SPOCK3: variants seen among roughly 807,000 people sequenced by gnomAD.
The protein encoded by SPOCK3 is testican-3.
A neutral mutation model predicts 56.6 loss-of-function variants in SPOCK3; 30 were observed. The observed-to-expected ratio is 0.53, with a 90% CI of 0.40 to 0.72. The LOEUF (loss-of-function observed/expected upper bound fraction) is 0.72. SPOCK3 is among the 30% of genes least tolerant of loss of function. The pLI, the probability that SPOCK3 is intolerant of heterozygous loss-of-function variation, is 0.00. For synonymous variants in SPOCK3, 196 were observed against 183.3 expected (o/e 1.07, Z -0.56); for missense variants, 527 against 530.0 (o/e 0.99, Z 0.06).
intron 2 of SPOCK3, among the ~76,000 whole-genome samples, chr4:167,133,946 A>C (rs1370122168): frequency 6.6e-6 from 1 of 152,132 alleles, no homozygotes; most frequent in Admixed American, 6.5e-5. Flanking sequence ...ACTACTACAA[A>C]AATTAATATG....
intron 6 of SPOCK3, among the ~76,000 whole-genome samples, chr4:166,860,750 C>A (rs1253148025): frequency 7.7e-6 from 1 of 129,806 alleles, no homozygotes; most frequent in Non-Finnish European, 1.6e-5. Context: ...CCTCCCACTA[C>A]ATTCCTCACT....
At chr4:167,126,278 T>G (rs1008376815) in intron 2 of SPOCK3, among the ~76,000 whole-genome samples, 2 of 152,194 alleles carry the variant, frequency 1.3e-5, no homozygotes, top group African/African-American at 4.8e-5. Flanking sequence ...CCGGGCGCTG[T>G]GGCTCACACA....
At chr4:167,206,578 T>G (rs1397227832) in intron 2 of SPOCK3, among the ~76,000 whole-genome samples, 2 of 152,118 alleles carry the variant, frequency 1.3e-5, no homozygotes, top group African/African-American at 4.8e-5. Context: ...ATATGTTTGC[T>G]TTGGTAGCTA....
intron 6 of SPOCK3, among the ~76,000 whole-genome samples, chr4:166,846,233 A>T (rs1322723344): frequency 6.6e-6 from 1 of 152,134 alleles, no homozygotes; most frequent in Non-Finnish European, 1.5e-5. Context: ...TAAGAAGGAA[A>T]ATTAGAGAAA....
intron 7 of SPOCK3, among the ~76,000 whole-genome samples, chr4:166,770,958 A>T (rs1384512239): frequency 2.0e-5 from 3 of 151,342 alleles, no homozygotes; most frequent in African/African-American, 7.3e-5. Context: ...TTTCCTTTTT[A>T]TGTCTATCGA....
chr4:166,740,666 C>T (rs879456795), intron 9 of SPOCK3, among the ~76,000 whole-genome samples: 9 of 151,994 alleles, frequency 5.9e-5, no homozygotes, highest in South Asian at 4.2e-4. Flanking sequence ...GCTGTGATTA[C>T]AGGCACACAC....
At chr4:166,808,287 T>C (rs1345773449) in intron 6 of SPOCK3, among the ~76,000 whole-genome samples, 1 of 152,106 alleles carries the variant, frequency 6.6e-6, no homozygotes, top group East Asian at 1.9e-4. Context: ...CTCCTTGCTA[T>C]AGACTAAATT....
At chr4:166,868,094 T>A (rs1156893007) in intron 6 of SPOCK3, among the ~76,000 whole-genome samples, 1 of 151,904 alleles carries the variant, frequency 6.6e-6, no homozygotes, top group East Asian at 1.9e-4. Flanking sequence ...ACTATATAAT[T>A]TTGAGTTTTT....
At chr4:167,060,459 A>T (rs890158698) in intron 3 of SPOCK3, among the ~76,000 whole-genome samples, 2 of 152,030 alleles carry the variant, frequency 1.3e-5, no homozygotes, top group African/African-American at 4.8e-5. Context: ...CTCACTCCTC[A>T]GTGTGGTCTA....
chr4:166,890,034 G>C (rs1391165297), intron 5 of SPOCK3, among the ~76,000 whole-genome samples: 1 of 151,752 alleles, frequency 6.6e-6, no homozygotes, highest in East Asian at 1.9e-4. Flanking sequence ...ACTTCCCATA[G>C]GTCTTACATT....
chr4:167,121,356 C>T (rs887110076), intron 2 of SPOCK3, among the ~76,000 whole-genome samples: 2 of 151,700 alleles, frequency 1.3e-5, no homozygotes, highest in African/African-American at 4.8e-5. Flanking sequence ...CAGTTCTCAT[C>T]TCTCTTCGTG....
At position 166,941,657 on chromosome 4, in the gene SPOCK3, C is replaced by T. The variant is rs552758044; in HGVS notation, c.351-28914G>A. On this transcript the variant is annotated intron_variant, in intron 4 of 10. Coordinates refer to ENST00000357545, the MANE Select transcript of SPOCK3 (RefSeq NM_001040159.2). The stretch of plus-strand genomic sequence containing the variant: ...TTCCTTCTAATATACAGAAGACAAT[C>T]GTGTTGAAATGTCTGTGATTAGGTT... Among the ~76,000 whole-genome samples, 171 of 152,234 alleles carry T rather than the reference C, an allele frequency of 1.1e-3. 3 individuals are homozygous for T. The South Asian group carries it at 0.034, about 31-fold the overall frequency.
chr4:166,798,436 A>G (rs1401250268), intron 6 of SPOCK3, among the ~76,000 whole-genome samples: 2 of 152,192 alleles, frequency 1.3e-5, no homozygotes, highest in East Asian at 3.9e-4. Flanking sequence ...AGTGATTAAG[A>G]ACTATGAAGG....
chr4:166,775,376 C>G (rs147318521), intron 7 of SPOCK3, among the ~76,000 whole-genome samples: 1 of 152,004 alleles, frequency 6.6e-6, no homozygotes, highest in East Asian at 1.9e-4. Context: ...TGATCTGATC[C>G]GCTGAAATAA....
At chr4:166,897,747 G>A (rs1031458349) in intron 5 of SPOCK3, among the ~76,000 whole-genome samples, 10 of 152,146 alleles carry the variant, frequency 6.6e-5, no homozygotes, top group African/African-American at 1.7e-4. Context: ...TTTTGGCAAC[G>A]ATGATGAGAT....
chr4:167,073,243 C>T (rs7660430), intron 2 of SPOCK3, among the ~76,000 whole-genome samples: 1 of 151,340 alleles, frequency 6.6e-6, no homozygotes, highest in Non-Finnish European at 1.5e-5. Context: ...TTAATTATAT[C>T]ATCAAATATA....
intron 6 of SPOCK3, among the ~76,000 whole-genome samples, chr4:166,800,063 T>C (rs1051606387): frequency 1.3e-5 from 2 of 150,984 alleles, no homozygotes; most frequent in African/African-American, 4.9e-5. Flanking sequence ...GTGCCTGTAG[T>C]CCCAGCTGCT....
chr4:167,098,594 C>T (rs1279095873), intron 2 of SPOCK3, among the ~76,000 whole-genome samples: 2 of 152,032 alleles, frequency 1.3e-5, no homozygotes, highest in Admixed American at 6.6e-5. Context: ...TATTGTCTCA[C>T]AGCCTTGTTT....
At chr4:167,026,559 C>A (rs1438779597) in intron 3 of SPOCK3, among the ~76,000 whole-genome samples, 3 of 151,994 alleles carry the variant, frequency 2.0e-5, no homozygotes, top group African/African-American at 7.2e-5. Context: ...GCTCTAAACA[C>A]ACTGCAGATA....
Sources: gnomAD v4.1 joint callset for allele counts (sites outside exome capture counted in the v4.1 genomes callset) on GRCh38, gnomAD v4.1.1 for gene constraint, MANE v1.5 for transcripts, NCBI Gene and HGNC (gene_info 2026-07-23, HGNC 2026-07-21) for gene names.